The following PCDHGA11 variants were observed in gnomAD, a reference collection of about 807,000 sequenced individuals.
PCDHGA11 encodes protocadherin gamma subfamily A, 11, also known as protocadherin gamma-A11.
Under a neutral mutation model 60.4 loss-of-function variants are expected in PCDHGA11, and 39 were observed. The ratio of observed to expected loss-of-function variants is 0.65; its 90% confidence interval spans 0.50 to 0.84. The LOEUF is 0.84. Among genes scored for constraint, PCDHGA11 ranks in the 40% least tolerant of loss-of-function variants. The pLI, the probability that PCDHGA11 is intolerant of heterozygous loss-of-function variation, is 0.00. For missense variants in PCDHGA11, 1,165 were observed against 1,197.7 expected (o/e 0.97, Z 0.40); for synonymous variants, 533 against 510.3 (o/e 1.04, Z -0.60).
In PCDHGA11 at chr5:141,432,272, G is replaced by A. The variant is rs772255343; in HGVS notation, c.2433+8612G>A. On this transcript the variant is annotated intron_variant, in intron 1 of 3. Transcript: ENST00000398587. The surrounding 1 kb of genome is among the most constrained non-coding windows in gnomAD (Gnocchi z 6.0). ...CCAAGGGGCAAGCCTATCGTCCTAC[G>A]TGTCCATCAACTCCGACACTGGGGT... 1 of 1,614,210 alleles carries A rather than the reference G, an allele frequency of 6.2e-7. No individual in the cohort carries two copies. Among genetic ancestry groups the A allele is most frequent in the South Asian group, 1.1e-5 (1 of 91,086 alleles).
At position 141,489,185 on chromosome 5, in the gene PCDHGA11, T is replaced by TCTA; in HGVS notation, c.2434-5620_2434-5618dup. Reference sequence around the variant, plus strand: ...CAGCTGCTGCATTCCAAGCCCTGGGTCTACCTTGGAGACAGGACAGCACAG... The same window carrying TCTA: ...CAGCTGCTGCATTCCAAGCCCTGGGTCTACTACCTTGGAGACAGGACAGCACAG... On this transcript the variant is annotated intron_variant, in intron 1 of 3. Coordinates refer to ENST00000398587, the MANE Select transcript of PCDHGA11 (RefSeq NM_018914.3). This position sits in a 1 kb window ranked among gnomAD's most constrained non-coding sequence, Gnocchi z 4.5. 7.8e-7 allele frequency: 1 copy of TCTA among 1,286,838 alleles called. No homozygotes were observed. The highest frequency in any genetic ancestry group is 1.5e-5 in the South Asian group (1 of 65,798). The allele number at this position is 1,286,838 out of a possible 1,614,324, so 79.7% of individuals were successfully genotyped here.
intron 1 of PCDHGA11, chr5:141,442,380 T>G (rs1235241143): frequency 2.6e-5 from 4 of 152,244 alleles, no homozygotes; most frequent in Non-Finnish European, 4.4e-5. Flanking sequence ...TCCTACCAGG[T>G]GTGTGCTTCT....
chr5:141,498,703 G>A (rs961006063), intron 2 of PCDHGA11, among the ~76,000 whole-genome samples: 7 of 152,228 alleles, frequency 4.6e-5, no homozygotes, highest in Non-Finnish European at 8.8e-5. Flanking sequence ...AGGCTGAGGT[G>A]GGTGGATCAC....
chr5:141,467,681 A>G (rs2099148744), intron 1 of PCDHGA11, among the ~76,000 whole-genome samples: 1 of 152,076 alleles, frequency 6.6e-6, no homozygotes, highest in African/African-American at 2.4e-5. Flanking sequence ...TATTTTTTTT[A>G]GACAGGGTCT....
chr5:141,508,910 A>T (rs2099872999), intron 3 of PCDHGA11, among the ~76,000 whole-genome samples: 1 of 151,906 alleles, frequency 6.6e-6, no homozygotes, highest in Non-Finnish European at 1.5e-5. Context: ...GCGGTGGCGG[A>T]TCTGGCTTCC....
chr5:141,465,761 G>A (rs1040750106), intron 1 of PCDHGA11, among the ~76,000 whole-genome samples: 2 of 151,634 alleles, frequency 1.3e-5, no homozygotes, highest in African/African-American at 4.8e-5. Flanking sequence ...GTAAAGTCAT[G>A]TTTCATCTCT....
chr5:141,476,421 C>T lies in PCDHGA11; in HGVS notation c.2434-18386C>T, dbSNP rs765688262. On this transcript the variant is annotated intron_variant, in intron 1 of 3. Coordinates refer to ENST00000398587, the MANE Select transcript of PCDHGA11 (RefSeq NM_018914.3). The surrounding 1 kb of genome is among the most constrained non-coding windows in gnomAD (Gnocchi z 7.6). ...CGAGAGGAGCTGTGTGGGACACTGC[C>T]CTCTTGCACTGTAACTCTGGAGTTG... 1 of 1,614,026 alleles carries T rather than the reference C, an allele frequency of 6.2e-7. No homozygotes were observed. The highest frequency in any genetic ancestry group is 8.5e-7 in the Non-Finnish European group (1 of 1,179,994).
intron 1 of PCDHGA11, chr5:141,441,206 C>T (rs750648706): frequency 3.3e-5 from 5 of 152,150 alleles, no homozygotes; most frequent in African/African-American, 4.8e-5. Context: ...GATTCTGCAC[C>T]TTGGACAGTA....
intron 2 of PCDHGA11, among the ~76,000 whole-genome samples, chr5:141,504,799 C>A (rs1474096570): frequency 6.6e-6 from 1 of 151,994 alleles, no homozygotes; most frequent in African/African-American, 2.4e-5. Context: ...CCTACATCTC[C>A]CCCTAGGTAC....
chr5:141,438,065 C>T (rs1385128405), intron 1 of PCDHGA11, among the ~76,000 whole-genome samples: 1 of 151,996 alleles, frequency 6.6e-6, no homozygotes, highest in Non-Finnish European at 1.5e-5. Flanking sequence ...TTTAAGAAAC[C>T]ATACTTAATG....
intron 1 of PCDHGA11, chr5:141,441,925 T>C (rs926242217): frequency 2.8e-6 from 1 of 353,614 alleles, no homozygotes; most frequent in Non-Finnish European, 5.4e-6. Flanking sequence ...ACACAATGCG[T>C]GGCTGTCCTA....
At chr5:141,424,547 T>A (rs1484479408) in intron 1 of PCDHGA11, 2 of 152,238 alleles carry the variant, frequency 1.3e-5, no homozygotes, top group African/African-American at 4.8e-5. Flanking sequence ...AACTTGATTT[T>A]GATTCAGTGC....
At chr5:141,506,487 G>A (rs1265051912) in intron 3 of PCDHGA11, among the ~76,000 whole-genome samples, 3 of 150,464 alleles carry the variant, frequency 2.0e-5, no homozygotes, top group Non-Finnish European at 4.4e-5. Flanking sequence ...TTAGAGGCAG[G>A]CCAATCTGGA....
rs764579211 is a variant in PCDHGA11 at position 141,489,393 on chromosome 5, T to C, written c.2434-5414T>C. 1.9e-5 allele frequency: 30 copies of C among 1,614,098 alleles called. No individual in the cohort carries two copies. In the South Asian group the frequency reaches 3.3e-4, roughly 18 times the overall value. On this transcript the variant is annotated intron_variant, in intron 1 of 3. Coordinates refer to ENST00000398587, the MANE Select transcript of PCDHGA11 (RefSeq NM_018914.3). The surrounding 1 kb of genome is among the most constrained non-coding windows in gnomAD (Gnocchi z 4.5). ...CGCTGGTGGGGAATGTTGCTCAGGA[T>C]CTGGGCTTAAAGATGACAGATCTGT...
chr5:141,495,199 G>A (rs1205495643), intron 2 of PCDHGA11, among the ~76,000 whole-genome samples: 1 of 152,164 alleles, frequency 6.6e-6, no homozygotes, highest in African/African-American at 2.4e-5. Context: ...CCCATGTACT[G>A]CCTAACCCCC....
At chr5:141,497,018 A>G (rs988584487) in intron 2 of PCDHGA11, among the ~76,000 whole-genome samples, 1 of 152,084 alleles carries the variant, frequency 6.6e-6, no homozygotes, top group Non-Finnish European at 1.5e-5. Flanking sequence ...GTGAAACCCC[A>G]TCTCGATTAA....
At chr5:141,492,727 G>A (rs2099743408) in intron 1 of PCDHGA11, among the ~76,000 whole-genome samples, 1 of 152,274 alleles carries the variant, frequency 6.6e-6, no homozygotes, top group South Asian at 2.1e-4. Flanking sequence ...GACAGGCAGA[G>A]CTGCCCAGTG....
In PCDHGA11 at chr5:141,485,062, C is replaced by T. The variant is rs2099606141; in HGVS notation, c.2434-9745C>T. 2.3e-6 allele frequency: 2 copies of T among 876,222 alleles called. No individual in the cohort carries two copies. Among genetic ancestry groups the T allele is most frequent in the Non-Finnish European group, 3.6e-6 (2 of 552,684 alleles). 54.3% of individuals were successfully genotyped at this position (876,222 alleles called of 1,614,324 possible). ...CCTTGCGGCGCCGGCCGAACCGCGCCAGAGCTGGCGCGGGGAAAGGGAGAT... is the reference window on the plus strand; with the variant it reads ...CCTTGCGGCGCCGGCCGAACCGCGCTAGAGCTGGCGCGGGGAAAGGGAGAT... On this transcript the variant is annotated intron_variant, in intron 1 of 3. Coordinates refer to ENST00000398587, the MANE Select transcript of PCDHGA11 (RefSeq NM_018914.3). The surrounding 1 kb of genome is among the most constrained non-coding windows in gnomAD (Gnocchi z 5.7).
rs564439931 is a variant in PCDHGA11 at position 141,490,480 on chromosome 5, C to T, written c.2434-4327C>T. On this transcript the variant is annotated intron_variant, in intron 1 of 3. Coordinates refer to ENST00000398587, the MANE Select transcript of PCDHGA11 (RefSeq NM_018914.3). The surrounding 1 kb of genome is among the most constrained non-coding windows in gnomAD (Gnocchi z 5.4). ...GCTGCTAACCAGCCAGCCTTTGGAC[C>T]GGGAGGCCACATCCCACTATATCAT... The T allele has an allele frequency of 3.5e-5, 56 of 1,614,194 alleles. No individual in the cohort carries two copies. Among genetic ancestry groups the T allele is most frequent in the Admixed American group, 1.5e-4 (9 of 60,022 alleles).
Sources: allele counts gnomAD v4.1 joint callset (sites outside exome capture counted in the v4.1 genomes callset), GRCh38; gene constraint gnomAD v4.1.1; non-coding constraint Gnocchi (gnomAD v3.1); transcripts MANE v1.5; gene names NCBI Gene and HGNC (gene_info 2026-07-23, HGNC 2026-07-21).